The following SMIM32 variants were observed in gnomAD, a reference collection of about 807,000 sequenced individuals.
SMIM32 encodes the protein small integral membrane protein 32.
SMIM32 carries 1 observed loss-of-function variant against 1.6 expected under a neutral mutation model. The ratio of observed to expected loss-of-function variants is 0.64; its 90% confidence interval spans 0.23 to 3.02. The LOEUF (loss-of-function observed/expected upper bound fraction) is 3.02, where lower values mean the gene tolerates loss of function less well. Among genes scored for constraint, SMIM32 ranks in the 30% most tolerant of loss-of-function variants. The pLI is 0.21. For synonymous variants in SMIM32, 53 were observed against 31.3 expected, an observed-to-expected ratio of 1.69 and a Z score of -2.31; for missense variants, 99 against 60.5, an observed-to-expected ratio of 1.64 and a Z score of -2.11.
chr5:136,192,230 T>A lies in SMIM32; in HGVS notation c.295A>T (p.Lys99Ter), dbSNP rs1754833339. The stretch of plus-strand genomic sequence containing the variant: ...GTCCCAAGCTACACCGGCCGCGTCT[T>A]CCAGGGCGCGCGGGCGTCGCGCAGC... ...RSLRDARAPW[K>*]TRPV The change falls in exon 1 of 1, where the codon AAG (lysine) becomes TAG (stop). Residue 99 changes from lysine to a stop codon, truncating the protein, a stop_gained. Transcript: ENST00000607574. LOFTEE classifies it high-confidence loss of function. 1.4e-6 allele frequency: 1 copy of A among 697,346 alleles called. No homozygotes were observed. The highest frequency in any genetic ancestry group is 1.8e-5 in the African/African-American group (1 of 57,008). 43.2% of individuals were successfully genotyped at this position (697,346 alleles called of 1,614,324 possible).
chr5:136,192,844 T>A lies in SMIM32; in HGVS notation c.-320A>T. On this transcript the variant is annotated 5_prime_UTR_variant, in exon 1 of 1. Coordinates refer to ENST00000607574, the MANE Select transcript of SMIM32 (RefSeq NM_001350994.2). ...CCAGTCACTGACTCGCCTTTCGGCT[T>A]TACAACAGCCCGCTCAGCTCGGACC... The A allele has an allele frequency of 2.9e-6, 1 of 343,244 alleles. No homozygotes were observed. Among genetic ancestry groups the A allele is most frequent in the Non-Finnish European group, 5.2e-6 (1 of 191,006 alleles). 21.3% of individuals were successfully genotyped at this position (343,244 alleles called of 1,614,324 possible).
At position 136,191,805 on chromosome 5, in the gene SMIM32, A is replaced by C. The variant is rs1336680567; in HGVS notation, c.*408T>G. 1.1e-5 allele frequency: 2 copies of C among 174,230 alleles called. No homozygotes were observed. Among genetic ancestry groups the C allele is most frequent in the Non-Finnish European group, 1.2e-5 (1 of 83,582 alleles). 10.8% of individuals were successfully genotyped at this position (174,230 alleles called of 1,614,324 possible). A position where few individuals can be genotyped will look rare whatever the true frequency, so the allele number is the denominator to read the frequency against. On this transcript the variant is annotated 3_prime_UTR_variant, in exon 1 of 1. Coordinates refer to ENST00000607574, the MANE Select transcript of SMIM32 (RefSeq NM_001350994.2). ...AGACGGGTAGCTCCAGGCTAGTTGCACGCTTGCGGTTCCTGCCCCTTCCGT... is the reference window on the plus strand; with the variant it reads ...AGACGGGTAGCTCCAGGCTAGTTGCCCGCTTGCGGTTCCTGCCCCTTCCGT...
chr5:136,192,022 A>T lies in SMIM32; in HGVS notation c.*191T>A. On this transcript the variant is annotated 3_prime_UTR_variant, in exon 1 of 1. Coordinates refer to ENST00000607574, the MANE Select transcript of SMIM32 (RefSeq NM_001350994.2). The stretch of plus-strand genomic sequence containing the variant: ...ACAGGTACTGGGATCGAGACCCTAC[A>T]CAGGCTCCCGACGCCTCGGTCTCCC... 1 of 563,632 alleles carries T rather than the reference A, an allele frequency of 1.8e-6. No homozygotes were observed. Among genetic ancestry groups the T allele is most frequent in the Non-Finnish European group, 3.1e-6 (1 of 319,694 alleles). 34.9% of individuals were successfully genotyped at this position (563,632 alleles called of 1,614,324 possible). A position where few individuals can be genotyped will look rare whatever the true frequency, so the allele number is the denominator to read the frequency against.
rs1286600085 is a variant in SMIM32, at chr5:136,191,880, GCGC to G, written c.*330_*332del. The G allele has an allele frequency of 4.2e-5, 12 of 282,824 alleles. No homozygotes were observed. Among genetic ancestry groups the G allele is most frequent in the Non-Finnish European group, 7.2e-5 (11 of 153,760 alleles). The allele number at this position is 282,824 out of a possible 1,614,324, so 17.5% of individuals were successfully genotyped here. A position where few individuals can be genotyped will look rare whatever the true frequency, so the allele number is the denominator to read the frequency against. ...CGGCGAGCAAGCAAGACGGGCTGGC[GCGC>G]CGTCTTTCAGGAAGGTTTCCCGACC... is the stretch of plus-strand genomic sequence containing the variant. On this transcript the variant is annotated 3_prime_UTR_variant, in exon 1 of 1. Coordinates refer to ENST00000607574, the MANE Select transcript of SMIM32 (RefSeq NM_001350994.2).
rs1385841723 is a variant in SMIM32, at chr5:136,192,726, C to T, written c.-202G>A. The stretch of plus-strand genomic sequence containing the variant: ...CTCCGCGCTCAGCTGCTTTCCCCGC[C>T]GGCTGGCGGACCCCAGTTCTCGGAG... On this transcript the variant is annotated 5_prime_UTR_variant, in exon 1 of 1. Coordinates refer to ENST00000607574, the MANE Select transcript of SMIM32 (RefSeq NM_001350994.2). The T allele has an allele frequency of 3.6e-6, 2 of 550,732 alleles. No individual in the cohort carries two copies. Among genetic ancestry groups the T allele is most frequent in the East Asian group, 6.4e-5 (2 of 31,246 alleles). The allele number at this position is 550,732 out of a possible 1,614,324, so 34.1% of individuals were successfully genotyped here. A position where few individuals can be genotyped will look rare whatever the true frequency, so the allele number is the denominator to read the frequency against.
rs2287963 is a variant in SMIM32 at position 136,192,217 on chromosome 5, A to G, written c.308T>C (p.Val103Ala). ...CGGCCGTGGCTCAGTCCCAAGCTAC[A>G]CCGGCCGCGTCTTCCAGGGCGCGCG... is the stretch of plus-strand genomic sequence containing the variant. ...DARAPWKTRP[V>A] The change falls in exon 1 of 1, where the codon GTG becomes GCG. Residue 103 changes from valine (V) to alanine (A), a missense_variant. By Grantham distance (64) the Val-to-Ala change is moderately conservative. Transcript: ENST00000607574. 212,979 of 693,646 alleles carry G rather than the reference A, an allele frequency of 0.31. 35,072 individuals carry two copies. Among genetic ancestry groups the G allele is most frequent in the African/African-American group, 0.53 (29,974 of 56,812 alleles). 43.0% of individuals were successfully genotyped at this position (693,646 alleles called of 1,614,324 possible).
Position 136,192,012 on chromosome 5 carries a change from G to T in SMIM32, c.*201C>A. ...CACGGTACCTACAGGTACTGGGATC[G>T]AGACCCTACACAGGCTCCCGACGCC... On this transcript the variant is annotated 3_prime_UTR_variant, in exon 1 of 1. Transcript: ENST00000607574. 1.8e-6 allele frequency: 1 copy of T among 547,902 alleles called. No homozygotes were observed. Among genetic ancestry groups the T allele is most frequent in the South Asian group, 2.5e-5 (1 of 39,358 alleles). 33.9% of individuals were successfully genotyped at this position (547,902 alleles called of 1,614,324 possible). A position where few individuals can be genotyped will look rare whatever the true frequency, so the allele number is the denominator to read the frequency against.
rs2149787657 is a variant in SMIM32 at position 136,192,240 on chromosome 5, G to A, written c.285C>T (p.Arg95=). ...LPHDRSLRDA[R]APWKTRPV ...ACACCGGCCGCGTCTTCCAGGGCGC[G>A]CGGGCGTCGCGCAGCGAGCGGTCGT... is the stretch of plus-strand genomic sequence containing the variant. The change falls in exon 1 of 1, where the codon CGC becomes CGT. Residue 95 remains arginine, a synonymous_variant. Transcript: ENST00000607574. The A allele has an allele frequency of 2.9e-6, 2 of 698,212 alleles. No individual in the cohort carries two copies. Among genetic ancestry groups the A allele is most frequent in the East Asian group, 2.7e-5 (1 of 37,122 alleles). The allele number at this position is 698,212 out of a possible 1,614,324, so 43.3% of individuals were successfully genotyped here.
Position 136,192,187 on chromosome 5 carries a change from C to G in SMIM32, c.*26G>C. 4.6e-6 allele frequency: 3 copies of G among 650,540 alleles called. No homozygotes were observed. The highest frequency in any genetic ancestry group is 8.2e-6 in the Non-Finnish European group (3 of 363,738). 40.3% of individuals were successfully genotyped at this position (650,540 alleles called of 1,614,324 possible). Reference sequence around the variant, plus strand: ...CTCTTGGCTAGGTCGGGACGGGGCGCCCGGCGGCCGTGGCTCAGTCCCAAG... The same window carrying G: ...CTCTTGGCTAGGTCGGGACGGGGCGGCCGGCGGCCGTGGCTCAGTCCCAAG... On this transcript the variant is annotated 3_prime_UTR_variant, in exon 1 of 1. Coordinates refer to ENST00000607574, the MANE Select transcript of SMIM32 (RefSeq NM_001350994.2).
rs963532697 is a variant in SMIM32, at chr5:136,192,794, C to T, written c.-270G>A. ...CGCGCCCCTCGGGCTCACTGTTTCT[C>T]TCCGTCGCCACCAGGACAGAGGTCC... On this transcript the variant is annotated 5_prime_UTR_variant, in exon 1 of 1. Coordinates refer to ENST00000607574, the MANE Select transcript of SMIM32 (RefSeq NM_001350994.2). The T allele has an allele frequency of 2.2e-6, 1 of 464,548 alleles. No homozygotes were observed. The highest frequency in any genetic ancestry group is 4.0e-5 in the Admixed American group (1 of 24,834). The allele number at this position is 464,548 out of a possible 1,614,324, so 28.8% of individuals were successfully genotyped here.
In SMIM32 at chr5:136,191,950, G is replaced by T; in HGVS notation, c.*263C>A. On this transcript the variant is annotated 3_prime_UTR_variant, in exon 1 of 1. Transcript: ENST00000607574. ...GGAAGGTTTCCCGACTGGACCCTCT[G>T]TCCAGAGGAAGAAAGATTTGGCCAG... The T allele has an allele frequency of 2.3e-6, 1 of 428,478 alleles. No individual in the cohort carries two copies. The allele number at this position is 428,478 out of a possible 1,614,324, so 26.5% of individuals were successfully genotyped here. A position where few individuals can be genotyped will look rare whatever the true frequency, so the allele number is the denominator to read the frequency against.
rs755102369 is a variant in SMIM32 at position 136,192,294 on chromosome 5, C to T, written c.231G>A (p.Leu77=). ...ALVVLFIGCQ[L]RHSAFAALPH... ...GCAGCGCGGCGAAGGCCGAATGGCG[C>T]AGCTGGCAACCGATGAAGAGGACGA... The change falls in exon 1 of 1, where the codon CTG becomes CTA. Residue 77 remains leucine (L), a synonymous_variant. Coordinates refer to ENST00000607574, the MANE Select transcript of SMIM32 (RefSeq NM_001350994.2). The T allele has an allele frequency of 1.4e-6, 1 of 702,014 alleles. No homozygotes were observed. The highest frequency in any genetic ancestry group is 1.5e-5 in the South Asian group (1 of 67,570). 43.5% of individuals were successfully genotyped at this position (702,014 alleles called of 1,614,324 possible). A position where few individuals can be genotyped will look rare whatever the true frequency, so the allele number is the denominator to read the frequency against.
In SMIM32 at chr5:136,192,741, A is replaced by G; in HGVS notation, c.-217T>C. On this transcript the variant is annotated 5_prime_UTR_variant, in exon 1 of 1. Transcript: ENST00000607574. ...CTTTCCCCGCCGGCTGGCGGACCCC[A>G]GTTCTCGGAGCTGGACAGTTCTGTG... is the stretch of plus-strand genomic sequence containing the variant. 1 of 551,182 alleles carries G rather than the reference A, an allele frequency of 1.8e-6. No homozygotes were observed. The highest frequency in any genetic ancestry group is 3.2e-6 in the Non-Finnish European group (1 of 315,126). The allele number at this position is 551,182 out of a possible 1,614,324, so 34.1% of individuals were successfully genotyped here.
chr5:136,192,738 C>T lies in SMIM32; in HGVS notation c.-214G>A. Reference sequence around the variant, plus strand: ...CTGCTTTCCCCGCCGGCTGGCGGACCCCAGTTCTCGGAGCTGGACAGTTCT... The same window carrying T: ...CTGCTTTCCCCGCCGGCTGGCGGACTCCAGTTCTCGGAGCTGGACAGTTCT... On this transcript the variant is annotated 5_prime_UTR_variant, in exon 1 of 1. Coordinates refer to ENST00000607574, the MANE Select transcript of SMIM32 (RefSeq NM_001350994.2). 1 of 553,430 alleles carries T rather than the reference C, an allele frequency of 1.8e-6. No individual in the cohort carries two copies. The highest frequency in any genetic ancestry group is 3.2e-6 in the Non-Finnish European group (1 of 316,384). 34.3% of individuals were successfully genotyped at this position (553,430 alleles called of 1,614,324 possible). A position where few individuals can be genotyped will look rare whatever the true frequency, so the allele number is the denominator to read the frequency against.
Position 136,192,518 on chromosome 5 carries a change from C to T in SMIM32, c.7G>A (p.Gly3Ser), listed in dbSNP as rs780762582. Reference sequence around the variant, plus strand: ...CCGCCCGTGGCGTTGAATATGTCGCCGTACATGGCCCGCGGGTCCCGCCGA... The same window carrying T: ...CCGCCCGTGGCGTTGAATATGTCGCTGTACATGGCCCGCGGGTCCCGCCGA... Reference protein sequence around the residue: MYGDIFNATGGPE... With the variant: MYSDIFNATGGPE... Residue 3 changes from glycine to serine, a missense_variant, in exon 1 of 1, where the codon GGC (glycine) becomes AGC (serine). Coordinates refer to ENST00000607574, the MANE Select transcript of SMIM32 (RefSeq NM_001350994.2). 1.2e-5 allele frequency: 8 copies of T among 682,352 alleles called. No individual in the cohort carries two copies. Among genetic ancestry groups the T allele is most frequent in the Admixed American group, 6.2e-5 (3 of 48,152 alleles). The allele number at this position is 682,352 out of a possible 1,614,324, so 42.3% of individuals were successfully genotyped here.
Position 136,192,180 on chromosome 5 carries a change from C to T in SMIM32, c.*33G>A, listed in dbSNP as rs1754831538. 3 of 646,282 alleles carry T rather than the reference C, an allele frequency of 4.6e-6. No homozygotes were observed. Among genetic ancestry groups the T allele is most frequent in the Non-Finnish European group, 8.3e-6 (3 of 361,946 alleles). The allele number at this position is 646,282 out of a possible 1,614,324, so 40.0% of individuals were successfully genotyped here. ...CTGGCTGCTCTTGGCTAGGTCGGGA[C>T]GGGGCGCCCGGCGGCCGTGGCTCAG... On this transcript the variant is annotated 3_prime_UTR_variant, in exon 1 of 1. Coordinates refer to ENST00000607574, the MANE Select transcript of SMIM32 (RefSeq NM_001350994.2).
Position 136,192,566 on chromosome 5 carries a change from G to A in SMIM32, c.-42C>T, listed in dbSNP as rs1754844107. On this transcript the variant is annotated 5_prime_UTR_variant, in exon 1 of 1. Coordinates refer to ENST00000607574, the MANE Select transcript of SMIM32 (RefSeq NM_001350994.2). ...CGACCCCAGCCGGACCGCTTCACTT[G>A]GCCTGGAGCATACTGGCGCGACCCG... The A allele has an allele frequency of 1.6e-6, 1 of 629,358 alleles. No individual in the cohort carries two copies. Among genetic ancestry groups the A allele is most frequent in the African/African-American group, 1.8e-5 (1 of 54,336 alleles). 39.0% of individuals were successfully genotyped at this position (629,358 alleles called of 1,614,324 possible).
Position 136,192,363 on chromosome 5 carries a change from G to A in SMIM32, c.162C>T (p.Thr54=), listed in dbSNP as rs944577073. 1.4e-6 allele frequency: 1 copy of A among 702,304 alleles called. No individual in the cohort carries two copies. The highest frequency in any genetic ancestry group is 2.6e-6 in the Non-Finnish European group (1 of 384,686). The allele number at this position is 702,304 out of a possible 1,614,324, so 43.5% of individuals were successfully genotyped here. A position where few individuals can be genotyped will look rare whatever the true frequency, so the allele number is the denominator to read the frequency against. Reference sequence around the variant, plus strand: ...GCAGCAGGAAGAAGAGCAGCAGGTAGGTGGGCAGGTCGGGCTTTGTGGCCG... The same window carrying A: ...GCAGCAGGAAGAAGAGCAGCAGGTAAGTGGGCAGGTCGGGCTTTGTGGCCG... ...DGAATKPDLP[T]YLLLFFLLLL... Residue 54 remains threonine, a synonymous_variant, in exon 1 of 1, where the codon ACC becomes ACT. Coordinates refer to ENST00000607574, the MANE Select transcript of SMIM32 (RefSeq NM_001350994.2).
rs758426873 is a variant in SMIM32, at chr5:136,192,725, C to T, written c.-201G>A. ...CCTCCGCGCTCAGCTGCTTTCCCCG[C>T]CGGCTGGCGGACCCCAGTTCTCGGA... On this transcript the variant is annotated 5_prime_UTR_variant, in exon 1 of 1. Transcript: ENST00000607574. 23 of 552,274 alleles carry T rather than the reference C, an allele frequency of 4.2e-5. No homozygotes were observed. Among genetic ancestry groups the T allele is most frequent in the Non-Finnish European group, 6.3e-5 (20 of 315,984 alleles). 34.2% of individuals were successfully genotyped at this position (552,274 alleles called of 1,614,324 possible). A position where few individuals can be genotyped will look rare whatever the true frequency, so the allele number is the denominator to read the frequency against.
Sources: allele counts gnomAD v4.1 joint callset, GRCh38; gene constraint gnomAD v4.1.1; transcripts MANE v1.5; gene names NCBI Gene and HGNC (gene_info 2026-07-23, HGNC 2026-07-21).